Variants in PGRMC2 observed in about 807,000 individuals in gnomAD.
PGRMC2 encodes progesterone receptor membrane component 2.
PGRMC2 carries 9 observed loss-of-function variants against 19.3 expected under a neutral mutation model. That is an observed-to-expected ratio of 0.47 (90% CI 0.28 to 0.81). The LOEUF (loss-of-function observed/expected upper bound fraction) is 0.81. Among genes scored for constraint, PGRMC2 ranks in the 40% least tolerant of loss-of-function variants. The pLI is 0.11. For missense variants in PGRMC2, 289 were observed against 297.3 expected, an observed-to-expected ratio of 0.97 and a Z score of 0.21; for synonymous variants, 157 against 124.6, an observed-to-expected ratio of 1.26 and a Z score of -1.73.
At chr4:128,274,253 G>A (rs767831186) in intron 1 of PGRMC2, among the ~76,000 whole-genome samples, 27 of 152,004 alleles carry the variant, frequency 1.8e-4, no homozygotes, top group Admixed American at 6.6e-4. Context: ...GGCCAGGTGC[G>A]GTGGCTCATG....
At chr4:128,275,687 T>C (rs1476669347) in intron 1 of PGRMC2, among the ~76,000 whole-genome samples, 2 of 152,236 alleles carry the variant, frequency 1.3e-5, no homozygotes, top group African/African-American at 4.8e-5. Context: ...TTTTTAGTAA[T>C]AATTTTCTAT....
Position 128,287,728 on chromosome 4 carries a change from G to T in PGRMC2, c.63C>A (p.Asn21Lys), listed in dbSNP as rs1245884563. The part of the protein sequence containing the change: ...GTLGSGSESS[N>K]DGGSESPGDA... ...CGCCTGGACTCTCGCTGCCGCCGTC[G>T]TTGCTGCTCTCGCTGCCACTCCCCA... The change falls in exon 1 of 3, where the codon AAC becomes AAA. Residue 21 changes from asparagine to lysine, a missense_variant. Coordinates refer to ENST00000296425, the MANE Select transcript of PGRMC2 (RefSeq NM_006320.6). 6.7e-7 allele frequency: 1 copy of T among 1,490,340 alleles called. No individual in the cohort carries two copies. Among genetic ancestry groups the T allele is most frequent in the East Asian group, 2.4e-5 (1 of 41,796 alleles). The allele number at this position is 1,490,340 out of a possible 1,614,324, so 92.3% of individuals were successfully genotyped here.
At chr4:128,274,268 T>A (rs1321676013) in intron 1 of PGRMC2, among the ~76,000 whole-genome samples, 1 of 152,146 alleles carries the variant, frequency 6.6e-6, no homozygotes, top group East Asian at 1.9e-4. Context: ...CTCATGCCTG[T>A]AATCCCAACT....
chr4:128,278,648 G>T (rs1344815642), intron 1 of PGRMC2, among the ~76,000 whole-genome samples: 3 of 151,844 alleles, frequency 2.0e-5, no homozygotes, highest in Non-Finnish European at 2.9e-5. Flanking sequence ...AATTTCAAAT[G>T]GAACTAAAAA....
At position 128,287,540 on chromosome 4, in the gene PGRMC2, G is replaced by GGC; in HGVS notation, c.250_251insGC (p.Ala84GlyfsTer16). The GGC allele has an allele frequency of 6.5e-7, 1 of 1,544,484 alleles. No homozygotes were observed. The highest frequency in any genetic ancestry group is 8.7e-7 in the Non-Finnish European group (1 of 1,143,446). ...GGCGGGGCTCTCCTCGCCCGCCCCG[G>GGC]CCCCGGCCCCCAGACCCCGCCGCCC... On this transcript the variant is annotated frameshift_variant, in exon 1 of 3. Transcript: ENST00000296425. LOFTEE classifies it high-confidence loss of function.
At chr4:128,272,331 T>C (rs1760742806) in intron 2 of PGRMC2, 31 bp downstream of exon 2, 1 of 1,355,308 alleles carries the variant, frequency 7.4e-7, no homozygotes, top group Admixed American at 2.7e-5. Flanking sequence ...AAATATTTAA[T>C]TTTCCAAAGA....
intron 1 of PGRMC2, among the ~76,000 whole-genome samples, chr4:128,278,090 G>C (rs1202712709): frequency 6.6e-6 from 1 of 152,104 alleles, no homozygotes; most frequent in Non-Finnish European, 1.5e-5. Context: ...CTGGGGTAAA[G>C]AAAAGACAGA....
intron 1 of PGRMC2, among the ~76,000 whole-genome samples, chr4:128,278,519 C>T (rs576086280): frequency 6.6e-6 from 1 of 151,978 alleles, no homozygotes; most frequent in South Asian, 2.1e-4. Flanking sequence ...TTGCAGTGAG[C>T]CGAGATGGCG....
chr4:128,274,163 C>T (rs1352133210), intron 1 of PGRMC2, among the ~76,000 whole-genome samples: 2 of 152,152 alleles, frequency 1.3e-5, no homozygotes, highest in African/African-American at 4.8e-5. Flanking sequence ...GAATATGGAA[C>T]ACAATTTACC....
At chr4:128,271,882 T>C (rs1189390214) in intron 2 of PGRMC2, among the ~76,000 whole-genome samples, 4 of 152,206 alleles carry the variant, frequency 2.6e-5, no homozygotes, top group African/African-American at 9.6e-5. Flanking sequence ...AGTGTTAAGA[T>C]CTGTAAAATC....
chr4:128,282,219 G>A (rs11942008), intron 1 of PGRMC2, among the ~76,000 whole-genome samples: 3,406 of 152,206 alleles, frequency 0.022, 127 homozygotes, highest in African/African-American at 0.078. Context: ...GTCTTCCTCA[G>A]TATTTAAAAA....
rs185027871 is a variant in PGRMC2, at chr4:128,273,662, C to T, written c.419-1145G>A. ...AGAAATTCCTTGATTTTTAAATGAG[C>T]GAAATGATTATATTCATATATAAAA... On this transcript the variant is annotated intron_variant, in intron 1 of 2. Coordinates refer to ENST00000296425, the MANE Select transcript of PGRMC2 (RefSeq NM_006320.6). Among the ~76,000 whole-genome samples, 39 of 152,030 alleles carry T rather than the reference C, an allele frequency of 2.6e-4. No individual in the cohort carries two copies. The East Asian group carries it at 4.8e-3, about 19-fold the overall frequency.
At position 128,287,535 on chromosome 4, in the gene PGRMC2, C is replaced by A. The variant is rs565699849; in HGVS notation, c.256G>T (p.Ala86Ser). ...GAGGTGGCGGGGCTCTCCTCGCCCG[C>A]CCCGGCCCCGGCCCCCAGACCCCGC... ...GRRGLGAGAG[A>S]GEESPATSLP... Residue 86 changes from alanine (A) to serine (S), a missense_variant, in exon 1 of 3, where the codon GCG becomes TCG. Transcript: ENST00000296425. 1.3e-6 allele frequency: 2 copies of A among 1,549,274 alleles called. No individual in the cohort carries two copies. The highest frequency in any genetic ancestry group is 2.4e-5 in the East Asian group (1 of 41,322).
At chr4:128,271,885 G>C (rs1304068583) in intron 2 of PGRMC2, among the ~76,000 whole-genome samples, 1 of 152,160 alleles carries the variant, frequency 6.6e-6, no homozygotes, top group South Asian at 2.1e-4. Context: ...GTTAAGATCT[G>C]TAAAATCATT....
rs1222101734 is a variant in PGRMC2 at position 128,269,798 on chromosome 4, G to A, written c.*1518C>T. 6.6e-6 allele frequency: 1 copy of A among 152,170 alleles called. No homozygotes were observed. The highest frequency in any genetic ancestry group is 6.5e-5 in the Admixed American group (1 of 15,276). 9.4% of individuals were successfully genotyped at this position (152,170 alleles called of 1,614,324 possible). Reference sequence around the variant, plus strand: ...TTCAACCTAATAAAATAATAATTTAGTATCTATCAGTGCAATATTCTTTTA... The same window carrying A: ...TTCAACCTAATAAAATAATAATTTAATATCTATCAGTGCAATATTCTTTTA... On this transcript the variant is annotated 3_prime_UTR_variant, in exon 3 of 3. Coordinates refer to ENST00000296425, the MANE Select transcript of PGRMC2 (RefSeq NM_006320.6).
At chr4:128,274,282 TG>T (rs1441993434) in intron 1 of PGRMC2, among the ~76,000 whole-genome samples, 1 of 152,082 alleles carries the variant, frequency 6.6e-6, no homozygotes, top group Non-Finnish European at 1.5e-5. Context: ...CCCAACTCTG[TG>T]GCAGCAGTGT....
chr4:128,278,766 A>G (rs545820011), intron 1 of PGRMC2, among the ~76,000 whole-genome samples: 6 of 152,368 alleles, frequency 3.9e-5, no homozygotes, highest in African/African-American at 1.4e-4. Context: ...AAGAAAAGAT[A>G]AATTTGAATA....
chr4:128,275,182 T>G (rs1243165051), intron 1 of PGRMC2, among the ~76,000 whole-genome samples: 1 of 152,238 alleles, frequency 6.6e-6, no homozygotes, highest in Non-Finnish European at 1.5e-5. Flanking sequence ...ACTTAATAGC[T>G]TTTCTAAGCA....
chr4:128,271,778 T>C (rs1332439863), intron 2 of PGRMC2, among the ~76,000 whole-genome samples: 2 of 152,100 alleles, frequency 1.3e-5, no homozygotes, highest in Non-Finnish European at 1.5e-5. Flanking sequence ...GACCCAGGGG[T>C]CAGATAAACA....
Sources: allele counts gnomAD v4.1 joint callset (sites outside exome capture counted in the v4.1 genomes callset), GRCh38; gene constraint gnomAD v4.1.1; transcripts MANE v1.5; gene names NCBI Gene and HGNC (gene_info 2026-07-23, HGNC 2026-07-21).